The following ABCC9 variants were observed in gnomAD, a reference collection of about 807,000 sequenced individuals.
ABCC9 encodes ATP binding cassette subfamily C member 9, also known as ATP-binding cassette sub-family C member 9.
Under a neutral mutation model 188.3 loss-of-function variants are expected in ABCC9, and 95 were observed. That is an observed-to-expected ratio of 0.50 (90% CI 0.43 to 0.60). The LOEUF (loss-of-function observed/expected upper bound fraction) is 0.60. ABCC9 is among the 20% of genes least tolerant of loss of function. The probability of loss-of-function intolerance (pLI) is 0.00; values close to 1 mark genes in which losing one functional copy is unlikely to be tolerated. For missense variants in ABCC9, 1,102 were observed against 1,876.3 expected, an observed-to-expected ratio of 0.59 and a Z score of 7.62; for synonymous variants, 659 against 652.7, an observed-to-expected ratio of 1.01 and a Z score of -0.15.
In ABCC9 at chr12:21,812,074, G is replaced by C; in HGVS notation, c.4186C>G (p.Pro1396Ala). The change falls in exon 36 of 40, where the codon CCA becomes GCA. Residue 1396 changes from proline (P) to alanine (A), a missense_variant. Transcript: ENST00000261200. ...RSRLSIILQDPILFSGSIRFN... is the reference protein window; with the variant it reads ...RSRLSIILQDAILFSGSIRFN... ...CTAATGGAACCACTGAATAGTATTGGATCCTGCAGAATGATTGAAAGTCTA... is the reference window on the plus strand; with the variant it reads ...CTAATGGAACCACTGAATAGTATTGCATCCTGCAGAATGATTGAAAGTCTA... The C allele has an allele frequency of 6.2e-7, 1 of 1,611,368 alleles. No homozygotes were observed. The highest frequency in any genetic ancestry group is 8.5e-7 in the Non-Finnish European group (1 of 1,177,676).
chr12:21,895,170 C>G, intron 13 of ABCC9, 105 bp downstream of exon 13: 1 of 1,001,472 alleles, frequency 1.0e-6, no homozygotes, highest in Non-Finnish European at 1.6e-6. Flanking sequence ...AGAGAGAAGT[C>G]ACAGAGGTGA....
intron 31 of ABCC9, chr12:21,827,356 T>C: frequency 1.0e-6 from 1 of 978,076 alleles, no homozygotes; most frequent in Non-Finnish European, 1.2e-6. Flanking sequence ...TCACCTCAAG[T>C]CCAAGGCAAA....
chr12:21,904,191 T>G (rs1471145482), intron 12 of ABCC9, among the ~76,000 whole-genome samples: 1 of 152,190 alleles, frequency 6.6e-6, no homozygotes. Flanking sequence ...GATTCTCTAT[T>G]TAATAAATGG....
chr12:21,910,057 A>G (rs1948244867), intron 10 of ABCC9, 100 bp downstream of exon 10: 3 of 1,165,000 alleles, frequency 2.6e-6, no homozygotes, highest in Non-Finnish European at 2.5e-6. Context: ...ATATTTGCAC[A>G]TTCAAAAACT....
chr12:21,918,270 C>A (rs184635640), intron 5 of ABCC9, among the ~76,000 whole-genome samples: 1 of 152,100 alleles, frequency 6.6e-6, no homozygotes, highest in African/African-American at 2.4e-5. Context: ...AAAAAATAGA[C>A]ATATGACCAA....
intron 12 of ABCC9, among the ~76,000 whole-genome samples, chr12:21,898,552 A>C (rs1308010808): frequency 6.6e-6 from 1 of 152,220 alleles, no homozygotes; most frequent in Admixed American, 6.5e-5. Flanking sequence ...TTTTCTCTAA[A>C]TCTATTTCAA....
intron 31 of ABCC9, among the ~76,000 whole-genome samples, chr12:21,823,840 G>C (rs1429053631): frequency 6.6e-6 from 1 of 152,246 alleles, no homozygotes. Flanking sequence ...TTGGCACCCA[G>C]AGGAAAAACA....
intron 22 of ABCC9, among the ~76,000 whole-genome samples, chr12:21,858,600 A>T (rs752530339): frequency 6.6e-6 from 1 of 151,642 alleles, no homozygotes; most frequent in Non-Finnish European, 1.5e-5. Context: ...AAAATCTACA[A>T]TTACATAGGC....
intron 29 of ABCC9, among the ~76,000 whole-genome samples, chr12:21,840,467 A>G (rs1007334660): frequency 2.0e-5 from 3 of 152,268 alleles, no homozygotes; most frequent in Non-Finnish European, 4.4e-5. Flanking sequence ...AACAGAATTC[A>G]CAATTCAAAT....
At chr12:21,834,882 C>T (rs1454468117) in intron 30 of ABCC9, among the ~76,000 whole-genome samples, 1 of 151,692 alleles carries the variant, frequency 6.6e-6, no homozygotes, top group African/African-American at 2.4e-5. Flanking sequence ...ATTAACTTCT[C>T]ACTCATAGGA....
intron 20 of ABCC9, among the ~76,000 whole-genome samples, chr12:21,862,366 G>A (rs1945561392): frequency 6.6e-6 from 1 of 151,972 alleles, no homozygotes; most frequent in Non-Finnish European, 1.5e-5. Context: ...TCTTTCATAT[G>A]GTCTACTTTT....
chr12:21,926,762 A>G (rs1949062578), intron 4 of ABCC9, among the ~76,000 whole-genome samples: 1 of 152,168 alleles, frequency 6.6e-6, no homozygotes, highest in African/African-American at 2.4e-5. Context: ...AGAGGGGCCA[A>G]TGTGTTCAAG....
chr12:21,858,452 A>C, intron 22 of ABCC9, among the ~76,000 whole-genome samples: 1 of 151,774 alleles, frequency 6.6e-6, no homozygotes, highest in East Asian at 1.9e-4. Flanking sequence ...GGTGGTATGC[A>C]CCTGTAATCC....
rs1299286354 is a variant in ABCC9, at chr12:21,800,345, A to G, written c.*699T>C. 6.6e-6 allele frequency: 1 copy of G among 152,246 alleles called. No homozygotes were observed. The highest frequency in any genetic ancestry group is 1.5e-5 in the Non-Finnish European group (1 of 68,058). The allele number at this position is 152,246 out of a possible 1,614,324, so 9.4% of individuals were successfully genotyped here. A position where few individuals can be genotyped will look rare whatever the true frequency, so the allele number is the denominator to read the frequency against. Reference sequence around the variant, plus strand: ...ACTTCAGTCTGGAAAAGGTACATACATTATGCCTGATATCTTAAGAATTCT... The same window carrying G: ...ACTTCAGTCTGGAAAAGGTACATACGTTATGCCTGATATCTTAAGAATTCT... On this transcript the variant is annotated 3_prime_UTR_variant, in exon 40 of 40. Transcript: ENST00000261200.
intron 22 of ABCC9, among the ~76,000 whole-genome samples, chr12:21,855,878 G>A (rs963654684): frequency 1.3e-5 from 2 of 152,070 alleles, no homozygotes; most frequent in Non-Finnish European, 2.9e-5. Context: ...GGAAGAGTGT[G>A]GTGACTAAGA....
intron 13 of ABCC9, among the ~76,000 whole-genome samples, chr12:21,894,417 A>AGG (rs1199766807): frequency 6.6e-6 from 1 of 152,212 alleles, no homozygotes; most frequent in Non-Finnish European, 1.5e-5. Flanking sequence ...CTTACAGGTT[A>AGG]GGTAATTGAC....
chr12:21,934,417 T>C (rs1949407010), intron 3 of ABCC9, among the ~76,000 whole-genome samples: 1 of 152,114 alleles, frequency 6.6e-6, no homozygotes, highest in African/African-American at 2.4e-5. Context: ...TATGTATGAC[T>C]AGGCAGGCAC....
chr12:21,934,209 C>G (rs916290279), intron 3 of ABCC9, among the ~76,000 whole-genome samples: 8 of 152,020 alleles, frequency 5.3e-5, no homozygotes, highest in Non-Finnish European at 8.8e-5. Flanking sequence ...TAATCAGAAG[C>G]TCTTCCTGAC....
intron 31 of ABCC9, among the ~76,000 whole-genome samples, chr12:21,818,861 C>T (rs1942852567): frequency 6.6e-6 from 1 of 151,974 alleles, no homozygotes; most frequent in South Asian, 2.1e-4. Context: ...GCAAAACCCA[C>T]AATTACTTTG....
Sources: gnomAD v4.1 joint callset for allele counts (sites outside exome capture counted in the v4.1 genomes callset) on GRCh38, gnomAD v4.1.1 for gene constraint, MANE v1.5 for transcripts, NCBI Gene and HGNC (gene_info 2026-07-23, HGNC 2026-07-21) for gene names.